Variants in PDSS2 observed in about 807,000 individuals in gnomAD.
PDSS2 encodes the protein all trans-polyprenyl-diphosphate synthase PDSS2.
Under a neutral mutation model 44.5 loss-of-function variants are expected in PDSS2, and 31 were observed. That is an observed-to-expected ratio of 0.70 (90% CI 0.52 to 0.94). The LOEUF is 0.94. Among genes scored for constraint, PDSS2 ranks in the 40% least tolerant of loss-of-function variants. The pLI, the probability that PDSS2 is intolerant of heterozygous loss-of-function variation, is 0.00. For synonymous variants in PDSS2, 157 were observed against 180.3 expected, an observed-to-expected ratio of 0.87 and a Z score of 1.03; for missense variants, 452 against 482.2, an observed-to-expected ratio of 0.94 and a Z score of 0.59.
chr6:107,459,401 C>T lies in PDSS2; in HGVS notation c.-116G>A. On this transcript the variant is annotated 5_prime_UTR_variant, in exon 1 of 8. It removes the in-frame stop codon of an upstream open reading frame in the 5' UTR. Transcript: ENST00000369037. This position sits in a 1 kb window ranked among gnomAD's most constrained non-coding sequence, Gnocchi z 4.3. Reference sequence around the variant, plus strand: ...AAAGGAAGCGGCAATTCTTGACCCTCAGAGTAAGGTGGCTTCCTGGAGCAG... The same window carrying T: ...AAAGGAAGCGGCAATTCTTGACCCTTAGAGTAAGGTGGCTTCCTGGAGCAG... The T allele has an allele frequency of 8.5e-6, 7 of 826,296 alleles. 1 individual carries two copies. The South Asian group carries it at 1.1e-4, about 13-fold the overall frequency. 51.2% of individuals were successfully genotyped at this position (826,296 alleles called of 1,614,324 possible).
chr6:107,282,304 T>C (rs1450589764), intron 2 of PDSS2, among the ~76,000 whole-genome samples: 1 of 152,124 alleles, frequency 6.6e-6, no homozygotes, highest in Non-Finnish European at 1.5e-5. Context: ...AGAATCAGAG[T>C]TGGAAGTGAC....
intron 1 of PDSS2, among the ~76,000 whole-genome samples, chr6:107,383,848 C>G (rs1779526601): frequency 6.6e-6 from 1 of 152,154 alleles, no homozygotes; most frequent in African/African-American, 2.4e-5. Flanking sequence ...TAAAATCATA[C>G]AGCCAGTTTT....
intron 1 of PDSS2, among the ~76,000 whole-genome samples, chr6:107,373,213 T>C (rs143676476): frequency 6.6e-6 from 1 of 151,528 alleles, no homozygotes; most frequent in East Asian, 2.0e-4. Flanking sequence ...TCTCGATCTC[T>C]TGACCTCATG....
intron 1 of PDSS2, among the ~76,000 whole-genome samples, chr6:107,384,760 ACACACT>A (rs762973079): frequency 3.3e-5 from 5 of 152,204 alleles, no homozygotes; most frequent in African/African-American, 4.8e-5. Context: ...ATTAACACAC[ACACACT>A]CACACTCACA....
intron 1 of PDSS2, among the ~76,000 whole-genome samples, chr6:107,336,091 C>A (rs567413453): frequency 5.0e-4 from 76 of 151,640 alleles, no homozygotes; most frequent in African/African-American, 1.8e-3. Flanking sequence ...TCCGTCTCTA[C>A]TAAAAATACA....
At chr6:107,349,249 G>A (rs1415660245) in intron 1 of PDSS2, among the ~76,000 whole-genome samples, 3 of 152,114 alleles carry the variant, frequency 2.0e-5, no homozygotes, top group Non-Finnish European at 4.4e-5. Flanking sequence ...TGGCTAACAC[G>A]GTGAAACCCC....
intron 4 of PDSS2, among the ~76,000 whole-genome samples, chr6:107,242,383 C>A (rs573500812): frequency 4.7e-4 from 72 of 152,114 alleles, no homozygotes; most frequent in African/African-American, 1.6e-3. Flanking sequence ...CCTGCCTCAG[C>A]CTCCTGAGTA....
chr6:107,181,332 A>T (rs1170733068), intron 7 of PDSS2, among the ~76,000 whole-genome samples: 1 of 151,206 alleles, frequency 6.6e-6, no homozygotes, highest in Non-Finnish European at 1.5e-5. Flanking sequence ...AAGGAGTTCA[A>T]GATCAGCCTA....
chr6:107,154,881 A>G (rs1002395441), intron 7 of PDSS2, 104 bp from the exon 8 acceptor site: 22 of 986,208 alleles, frequency 2.2e-5, no homozygotes, highest in South Asian at 1.7e-4. Context: ...AGGGAGAAAT[A>G]GTATAGATTG....
intron 1 of PDSS2, among the ~76,000 whole-genome samples, chr6:107,429,069 C>T (rs1299052584): frequency 1.3e-5 from 2 of 152,160 alleles, no homozygotes; most frequent in African/African-American, 2.4e-5. Context: ...AGTGGTGTCA[C>T]AGCTTCTGAT....
intron 1 of PDSS2, among the ~76,000 whole-genome samples, chr6:107,334,720 A>AC (rs1777826638): frequency 6.6e-6 from 1 of 151,450 alleles, no homozygotes; most frequent in Non-Finnish European, 1.5e-5. Flanking sequence ...AAAAAAAAAA[A>AC]AAAAAAACGT....
chr6:107,212,369 C>T (rs546625122), intron 4 of PDSS2, 87 bp from the exon 5 acceptor site: 26 of 1,098,144 alleles, frequency 2.4e-5, no homozygotes, highest in Admixed American at 4.6e-5. Context: ...AGTTAAGAAA[C>T]GAACTATTCA....
intron 2 of PDSS2, among the ~76,000 whole-genome samples, chr6:107,287,863 C>T (rs556775366): frequency 3.3e-5 from 5 of 151,780 alleles, no homozygotes; most frequent in Admixed American, 6.6e-5. Flanking sequence ...GGTGAGGTGG[C>T]GTGTGCCTAT....
chr6:107,213,509 C>G (rs1773300854), intron 4 of PDSS2, among the ~76,000 whole-genome samples: 1 of 151,922 alleles, frequency 6.6e-6, no homozygotes, highest in African/African-American at 2.4e-5. Flanking sequence ...GCCTGTAATC[C>G]CAGCACTTTG....
At chr6:107,448,728 T>C (rs1781768618) in intron 1 of PDSS2, among the ~76,000 whole-genome samples, 1 of 152,184 alleles carries the variant, frequency 6.6e-6, no homozygotes, top group South Asian at 2.1e-4. Flanking sequence ...CTCTCTACGG[T>C]ACCAATTAGT....
intron 2 of PDSS2, among the ~76,000 whole-genome samples, chr6:107,276,573 G>T (rs1357403623): frequency 1.3e-5 from 2 of 152,190 alleles, no homozygotes; most frequent in Admixed American, 1.3e-4. Context: ...TGGGGTCTTG[G>T]GAGGTGGTCT....
Position 107,442,427 on chromosome 6 carries a change from C to CA in PDSS2, c.296+16562dup, listed in dbSNP as rs560562967. ...GCAAGACTCCATCTCAAAACAAAAA[C>CA]AAAAAAACAAAAAACAAAAAACAAA... On this transcript the variant is annotated intron_variant, in intron 1 of 7. Coordinates refer to ENST00000369037, the MANE Select transcript of PDSS2 (RefSeq NM_020381.4). Among the ~76,000 whole-genome samples the CA allele has an allele frequency of 1.4e-3, 212 of 151,130 alleles. 3 individuals are homozygous for CA. Among genetic ancestry groups the CA allele is most frequent in the African/African-American group, 4.9e-3 (199 of 40,752 alleles).
chr6:107,170,552 G>A (rs1192899404), intron 7 of PDSS2, among the ~76,000 whole-genome samples: 6 of 151,214 alleles, frequency 4.0e-5, no homozygotes, highest in Non-Finnish European at 8.8e-5. Context: ...CTTCTGCATT[G>A]CTCACGCTGG....
intron 2 of PDSS2, among the ~76,000 whole-genome samples, chr6:107,294,399 A>AT (rs926020533): frequency 1.2e-4 from 18 of 150,498 alleles, no homozygotes; most frequent in Non-Finnish European, 1.8e-4. Flanking sequence ...ATTCCTCAGA[A>AT]TTTTTTTTTT....
Sources: gnomAD v4.1 joint callset for allele counts (sites outside exome capture counted in the v4.1 genomes callset) on GRCh38, gnomAD v4.1.1 for gene constraint, Gnocchi (gnomAD v3.1) non-coding constraint, MANE v1.5 for transcripts, NCBI Gene and HGNC (gene_info 2026-07-23, HGNC 2026-07-21) for gene names.